ABCB5: variants seen among roughly 807,000 people sequenced by gnomAD.
ABCB5 encodes the protein ATP binding cassette subfamily B member 5.
ABCB5 carries 155 observed loss-of-function variants against 144.2 expected under a neutral mutation model. The observed-to-expected ratio is 1.08, with a 90% CI of 0.94 to 1.23. ABCB5 has a LOEUF of 1.23. Among genes scored for constraint, ABCB5 ranks in the 50% most tolerant of loss-of-function variants. The pLI is 0.00. For missense variants in ABCB5, 1,830 were observed against 1,520.8 expected, an observed-to-expected ratio of 1.20 and a Z score of -3.38; for synonymous variants, 610 against 528.6, an observed-to-expected ratio of 1.15 and a Z score of -2.11.
chr7:20,619,606 A>G (rs1028976316), intron 1 of ABCB5, among the ~76,000 whole-genome samples: 2 of 152,078 alleles, frequency 1.3e-5, no homozygotes, highest in Admixed American at 6.6e-5. Flanking sequence ...GAGTTTGCAC[A>G]TATTTTCTCT....
At chr7:20,644,556 G>T (rs1383450548) in intron 7 of ABCB5, among the ~76,000 whole-genome samples, 4 of 152,098 alleles carry the variant, frequency 2.6e-5, no homozygotes, top group Non-Finnish European at 4.4e-5. Context: ...CTTATCTACA[G>T]CCTGGTTTTG....
chr7:20,750,984 C>T (rs1486704275), intron 26 of ABCB5, among the ~76,000 whole-genome samples: 1 of 152,128 alleles, frequency 6.6e-6, no homozygotes, highest in Non-Finnish European at 1.5e-5. Context: ...AGCTCTCAGT[C>T]GAGCCACATC....
rs1583379085 is a variant in ABCB5, at chr7:20,630,769, A to C, written c.260-1290A>C. On this transcript the variant is annotated intron_variant, in intron 4 of 27. Transcript: ENST00000404938. ...CTGCTTGGGCGTATGCTTTTTGTTA[A>C]GTTTATTCTGTAATTGATTGCCTTA... Among the ~76,000 whole-genome samples, 4 of 152,244 alleles carry C rather than the reference A, an allele frequency of 2.6e-5. No homozygotes were observed. In the South Asian group the frequency reaches 8.3e-4, roughly 32 times the overall value.
chr7:20,727,884 G>T (rs1470688276), intron 22 of ABCB5, among the ~76,000 whole-genome samples: 1 of 152,146 alleles, frequency 6.6e-6, no homozygotes. Flanking sequence ...TTAACAGAAA[G>T]ATAGCTTTTT....
chr7:20,667,293 A>G (rs1326166233), intron 14 of ABCB5: 2 of 984,690 alleles, frequency 2.0e-6, no homozygotes, highest in African/African-American at 3.5e-5. Flanking sequence ...CTTGATAAGT[A>G]AATAAATATG....
Position 20,643,515 on chromosome 7 carries a change from A to G in ABCB5, c.561A>G (p.Gln187=). The G allele has an allele frequency of 3.7e-6, 6 of 1,614,038 alleles. No individual in the cohort carries two copies. Among genetic ancestry groups the G allele is most frequent in the Non-Finnish European group, 5.1e-6 (6 of 1,179,896 alleles). Residue 187 remains glutamine, a synonymous_variant, in exon 7 of 28, where the codon CAA becomes CAG. Coordinates refer to ENST00000404938, the MANE Select transcript of ABCB5 (RefSeq NM_001163941.2). Reference sequence around the variant, plus strand: ...GAGATAAGATTGCTCTGTTGTTTCAAAACATGTCTACTTTTTCGATTGGCC... The same window carrying G: ...GAGATAAGATTGCTCTGTTGTTTCAGAACATGTCTACTTTTTCGATTGGCC... ...GIGDKIALLF[Q]NMSTFSIGLA...
chr7:20,708,941 A>G (rs1044800428), intron 20 of ABCB5, among the ~76,000 whole-genome samples: 2 of 152,182 alleles, frequency 1.3e-5, no homozygotes, highest in Admixed American at 6.5e-5. Flanking sequence ...TTCCACAGAA[A>G]CTATTTATAG....
In ABCB5 at chr7:20,643,252, GGAT is replaced by G; in HGVS notation, c.384_386del (p.Trp128_Ile129delinsCys). 1 of 1,613,670 alleles carries G rather than the reference GGAT, an allele frequency of 6.2e-7. No individual in the cohort carries two copies. The highest frequency in any genetic ancestry group is 8.5e-7 in the Non-Finnish European group (1 of 1,179,766). ...TTTGGTTACATACAGATTTCCTTGT[GGAT>G]TATAACTGCAGCACGACAGACCAAG... is the stretch of plus-strand genomic sequence containing the variant. On this transcript the variant is annotated inframe_deletion, in exon 6 of 28. Transcript: ENST00000404938.
At chr7:20,687,405 G>A (rs747335110) in intron 16 of ABCB5, among the ~76,000 whole-genome samples, 1 of 152,182 alleles carries the variant, frequency 6.6e-6, no homozygotes, top group Non-Finnish European at 1.5e-5. Context: ...AATATAAAAT[G>A]AGAAAAAACA....
At chr7:20,718,138 G>A (rs1406920938) in intron 20 of ABCB5, among the ~76,000 whole-genome samples, 4 of 147,758 alleles carry the variant, frequency 2.7e-5, no homozygotes, top group South Asian at 2.2e-4. Context: ...CTTGATCTCC[G>A]GACCTCGTGA....
intron 16 of ABCB5, among the ~76,000 whole-genome samples, chr7:20,697,014 G>A (rs145254285): frequency 1.3e-5 from 2 of 152,100 alleles, no homozygotes; most frequent in Non-Finnish European, 2.9e-5. Context: ...TACCAAATAA[G>A]GTAATTTTGT....
Position 20,646,143 on chromosome 7 carries a change from G to A in ABCB5, c.981+5G>A, listed in dbSNP as rs2128023815. The stretch of plus-strand genomic sequence containing the variant: ...ACCATCGGGACTGTTCTTGCTGTAA[G>A]TCTTGTTTGAGAACAAGGTGTCAGG... On this transcript the variant is annotated splice_donor_5th_base_variant and intron_variant, in intron 9 of 27. Coordinates refer to ENST00000404938, the MANE Select transcript of ABCB5 (RefSeq NM_001163941.2). 6.2e-7 allele frequency: 1 copy of A among 1,607,734 alleles called. No homozygotes were observed. The highest frequency in any genetic ancestry group is 8.5e-7 in the Non-Finnish European group (1 of 1,178,094).
chr7:20,620,135 G>A (rs904574033), intron 1 of ABCB5, among the ~76,000 whole-genome samples: 1 of 151,982 alleles, frequency 6.6e-6, no homozygotes, highest in Non-Finnish European at 1.5e-5. Flanking sequence ...TTTTCTTTAG[G>A]ATTGCTTATA....
chr7:20,659,074 C>A lies in ABCB5; in HGVS notation c.1707+398C>A, dbSNP rs183084345. On this transcript the variant is annotated intron_variant, in intron 14 of 27. Transcript: ENST00000404938. ...CCACTTTTCTTCTTTAGGATACCCCCAGGTATTCATTTTGACCTAATTTCA... is the reference window on the plus strand; with the variant it reads ...CCACTTTTCTTCTTTAGGATACCCCAAGGTATTCATTTTGACCTAATTTCA... 507 of 1,613,976 alleles carry A rather than the reference C, an allele frequency of 3.1e-4. 2 individuals are homozygous for A. In the African/African-American group the frequency reaches 6.0e-3, roughly 19 times the overall value.
intron 27 of ABCB5, among the ~76,000 whole-genome samples, chr7:20,753,876 A>G (rs934658625): frequency 4.6e-5 from 7 of 152,124 alleles, no homozygotes; most frequent in African/African-American, 1.7e-4. Context: ...AGTATGGGTA[A>G]AAGAGTAATC....
chr7:20,642,483 T>G (rs934906426), intron 5 of ABCB5, among the ~76,000 whole-genome samples: 2 of 152,208 alleles, frequency 1.3e-5, no homozygotes, highest in African/African-American at 4.8e-5. Context: ...TCACCAGTTA[T>G]TCTGTGGCCT....
chr7:20,665,206 A>G (rs1260909644), intron 14 of ABCB5, among the ~76,000 whole-genome samples: 2 of 152,184 alleles, frequency 1.3e-5, no homozygotes, highest in Admixed American at 1.3e-4. Context: ...ATGCATTCAC[A>G]TGAGTAGATT....
chr7:20,624,864 G>A (rs1783874100), intron 2 of ABCB5, among the ~76,000 whole-genome samples: 1 of 152,226 alleles, frequency 6.6e-6, no homozygotes, highest in African/African-American at 2.4e-5. Flanking sequence ...CTCAGGCTCC[G>A]CCCTTGGCCT....
chr7:20,660,523 G>A (rs60844047), intron 14 of ABCB5: 43,970 of 611,020 alleles, frequency 0.072, 2,029 homozygotes, highest in South Asian at 0.16. Context: ...TATGGAGAAG[G>A]GGAGAGTTCA....
Sources: allele counts gnomAD v4.1 joint callset (sites outside exome capture counted in the v4.1 genomes callset), GRCh38; gene constraint gnomAD v4.1.1; transcripts MANE v1.5; gene names NCBI Gene and HGNC (gene_info 2026-07-23, HGNC 2026-07-21).